The following FOXN3 variants were observed in gnomAD, a reference collection of about 807,000 sequenced individuals.
FOXN3 encodes forkhead box N3.
In FOXN3, 7 loss-of-function variants were observed where a neutral mutation model predicts 38.4. The observed-to-expected ratio is 0.18, with a 90% CI of 0.10 to 0.34. The LOEUF is 0.34. Ranked by LOEUF, FOXN3 falls within the 10% of genes least tolerant of loss-of-function variation. FOXN3 has a pLI of 1.00. For synonymous variants in FOXN3, 230 were observed against 242.2 expected (o/e 0.95, Z 0.47); for missense variants, 456 against 613.4 (o/e 0.74, Z 2.71).
chr14:89,201,114 A>T (rs1888224601), intron 4 of FOXN3, among the ~76,000 whole-genome samples: 1 of 152,152 alleles, frequency 6.6e-6, no homozygotes, highest in African/African-American at 2.4e-5. Flanking sequence ...ATATTTTTTA[A>T]ATTTTTTAAA....
chr14:89,441,989 T>G (rs1441788262), intron 1 of FOXN3, among the ~76,000 whole-genome samples: 3 of 148,664 alleles, frequency 2.0e-5, no homozygotes, highest in Non-Finnish European at 4.4e-5. Flanking sequence ...TGCAATGGCA[T>G]GATCTCGGCT....
chr14:89,568,664 A>G (rs527306252), intron 1 of FOXN3, among the ~76,000 whole-genome samples: 3 of 152,364 alleles, frequency 2.0e-5, no homozygotes, highest in Non-Finnish European at 4.4e-5. Flanking sequence ...TGCTAATTAT[A>G]CAGAAATTCC....
At chr14:89,384,562 A>T (rs1021777375) in intron 2 of FOXN3, among the ~76,000 whole-genome samples, 1 of 152,154 alleles carries the variant, frequency 6.6e-6, no homozygotes, top group Non-Finnish European at 1.5e-5. Context: ...AATCTAGATT[A>T]AAAAAAACTT....
intron 1 of FOXN3, among the ~76,000 whole-genome samples, chr14:89,599,339 C>T (rs1896114184): frequency 6.6e-6 from 1 of 152,132 alleles, no homozygotes; most frequent in Non-Finnish European, 1.5e-5. Context: ...TACAGCATTT[C>T]CATCACCCAA....
chr14:89,482,357 A>G (rs1166895419), intron 1 of FOXN3, among the ~76,000 whole-genome samples: 1 of 152,194 alleles, frequency 6.6e-6, no homozygotes, highest in Non-Finnish European at 1.5e-5. Context: ...ACATTGGCTC[A>G]CACCTGTAAT....
At chr14:89,351,125 A>C (rs533794069) in intron 2 of FOXN3, 1 of 180,774 alleles carries the variant, frequency 5.5e-6, no homozygotes, top group African/African-American at 2.3e-5. Flanking sequence ...GAACACGTGC[A>C]TTCTCTTCTA....
intron 4 of FOXN3, among the ~76,000 whole-genome samples, chr14:89,206,152 T>C (rs1354685337): frequency 1.3e-5 from 2 of 152,146 alleles, no homozygotes; most frequent in Non-Finnish European, 2.9e-5. Context: ...GCCACCCATT[T>C]TGAGGTATTT....
intron 1 of FOXN3, among the ~76,000 whole-genome samples, chr14:89,433,080 C>T (rs1342612200): frequency 6.6e-6 from 1 of 152,218 alleles, no homozygotes; most frequent in African/African-American, 2.4e-5. Flanking sequence ...TTTGGCTGGG[C>T]ACAGTGGCTC....
chr14:89,272,873 T>A (rs1382389584), intron 4 of FOXN3, among the ~76,000 whole-genome samples: 1 of 151,982 alleles, frequency 6.6e-6, no homozygotes, highest in Non-Finnish European at 1.5e-5. Context: ...TAAAATAAAA[T>A]AAAAATAAAA....
intron 4 of FOXN3, among the ~76,000 whole-genome samples, chr14:89,192,851 G>C (rs1163606514): frequency 6.7e-6 from 1 of 149,224 alleles, no homozygotes; most frequent in Non-Finnish European, 1.5e-5. Context: ...AAACCATTCA[G>C]CTAAAAAACT....
At chr14:89,354,516 T>C (rs2140014483) in intron 2 of FOXN3, among the ~76,000 whole-genome samples, 1 of 140,724 alleles carries the variant, frequency 7.1e-6, no homozygotes, top group Admixed American at 7.2e-5. Context: ...CGTGAGCCAC[T>C]GCGCCCGGCC....
intron 4 of FOXN3, among the ~76,000 whole-genome samples, chr14:89,252,997 A>C (rs1233004198): frequency 6.6e-6 from 1 of 152,112 alleles, no homozygotes; most frequent in African/African-American, 2.4e-5. Context: ...GAGAGCTTGG[A>C]AGGGGGTTGT....
chr14:89,529,310 C>G (rs1894504400), intron 1 of FOXN3, among the ~76,000 whole-genome samples: 1 of 152,174 alleles, frequency 6.6e-6, no homozygotes, highest in Non-Finnish European at 1.5e-5. Context: ...ACAGATACCA[C>G]AGAGGATGCA....
intron 2 of FOXN3, among the ~76,000 whole-genome samples, chr14:89,394,262 G>A (rs1469690507): frequency 7.2e-6 from 1 of 139,200 alleles, no homozygotes; most frequent in Non-Finnish European, 1.5e-5. Context: ...TTGTTGCCCA[G>A]GCTGGGGTGC....
rs1491464427 is a variant in FOXN3, at chr14:89,161,599, G to GCA, written c.*814_*815insTG. ...TGTGTGTGTGTGTGTGTGTGTGTGC[G>GCA]TGCGTGCACAGGGCCAATCTTCAGG... is the stretch of plus-strand genomic sequence containing the variant. On this transcript the variant is annotated 3_prime_UTR_variant, in exon 6 of 6. Coordinates refer to ENST00000557258, the MANE Select transcript of FOXN3 (RefSeq NM_005197.4). 3.4e-4 allele frequency: 47 copies of GCA among 138,344 alleles called. No individual in the cohort carries two copies. Among genetic ancestry groups the GCA allele is most frequent in the Non-Finnish European group, 5.7e-4 (36 of 62,856 alleles). The allele number at this position is 138,344 out of a possible 1,614,324, so 8.6% of individuals were successfully genotyped here. A position where few individuals can be genotyped will look rare whatever the true frequency, so the allele number is the denominator to read the frequency against.
chr14:89,229,171 GA>G (rs1260583683), intron 4 of FOXN3, among the ~76,000 whole-genome samples: 1 of 152,128 alleles, frequency 6.6e-6, no homozygotes, highest in East Asian at 1.9e-4. Flanking sequence ...CGTGTCTAGG[GA>G]AAAAGAGGTC....
chr14:89,324,801 A>G (rs1887999722), intron 3 of FOXN3, among the ~76,000 whole-genome samples: 1 of 152,184 alleles, frequency 6.6e-6, no homozygotes, highest in Non-Finnish European at 1.5e-5. Context: ...GTCTCTGGAA[A>G]GACACTGAGA....
At chr14:89,211,932 G>T (rs534766676) in intron 4 of FOXN3, among the ~76,000 whole-genome samples, 3 of 152,170 alleles carry the variant, frequency 2.0e-5, no homozygotes, top group Admixed American at 1.3e-4. Flanking sequence ...CCTTTGGGAG[G>T]TGATAGAGTT....
intron 5 of FOXN3, among the ~76,000 whole-genome samples, chr14:89,167,207 G>T (rs555681287): frequency 1.3e-5 from 2 of 152,328 alleles, no homozygotes; most frequent in African/African-American, 4.8e-5. Context: ...CATAAAAAGA[G>T]AAATCACATT....
Sources: allele counts gnomAD v4.1 joint callset (sites outside exome capture counted in the v4.1 genomes callset), GRCh38; gene constraint gnomAD v4.1.1; transcripts MANE v1.5; gene names NCBI Gene and HGNC (gene_info 2026-07-23, HGNC 2026-07-21).